Variants in GATB observed in about 807,000 individuals in gnomAD.
The protein encoded by GATB is glutamyl-tRNA(Gln) amidotransferase subunit B, mitochondrial.
In GATB, 39 loss-of-function variants were observed where a neutral mutation model predicts 62.3. The ratio of observed to expected loss-of-function variants is 0.63; its 90% CI spans 0.48 to 0.82. The LOEUF (loss-of-function observed/expected upper bound fraction) is 0.82. GATB is among the 40% of genes least tolerant of loss of function. The probability of loss-of-function intolerance (pLI) is 0.00; values close to 1 mark genes in which losing one functional copy is unlikely to be tolerated. For synonymous variants in GATB, 276 were observed against 258.9 expected (o/e 1.07, Z -0.63); for missense variants, 670 against 684.0 (o/e 0.98, Z 0.23).
chr4:151,714,784 T>A (rs947281865), intron 5 of GATB, among the ~76,000 whole-genome samples: 1 of 152,236 alleles, frequency 6.6e-6, no homozygotes, highest in Admixed American at 6.5e-5. Flanking sequence ...ACATTTCATT[T>A]ATGTTCTGTG....
intron 2 of GATB, among the ~76,000 whole-genome samples, chr4:151,757,468 T>C (rs1739855669): frequency 3.3e-5 from 1 of 30,168 alleles, no homozygotes; most frequent in South Asian, 1.4e-3. Flanking sequence ...AGCTTCCAGA[T>C]TTTTTTTTTT....
chr4:151,706,295 A>G (rs1738713851), intron 6 of GATB, among the ~76,000 whole-genome samples: 1 of 152,250 alleles, frequency 6.6e-6, no homozygotes, highest in Admixed American at 6.5e-5. Context: ...CTGGTCCTCC[A>G]AAGAGTTCTT....
chr4:151,736,679 T>C (rs1349862247), intron 2 of GATB, among the ~76,000 whole-genome samples: 1 of 152,254 alleles, frequency 6.6e-6, no homozygotes, highest in Non-Finnish European at 1.5e-5. Context: ...ACATGAGTAC[T>C]GATATGGTTT....
At chr4:151,743,442 A>G (rs1406830988) in intron 2 of GATB, among the ~76,000 whole-genome samples, 2 of 152,240 alleles carry the variant, frequency 1.3e-5, no homozygotes, top group Middle Eastern at 3.2e-3. Context: ...TATGTGTATA[A>G]GCATGTGGAC....
intron 1 of GATB, among the ~76,000 whole-genome samples, chr4:151,759,971 CCATT>C (rs1172464532): frequency 1.3e-5 from 2 of 152,152 alleles, no homozygotes; most frequent in African/African-American, 4.8e-5. Context: ...CAGTAAAGCA[CCATT>C]CAAAGTATTT....
At chr4:151,685,288 T>G (rs1364827364) in intron 10 of GATB, among the ~76,000 whole-genome samples, 1 of 152,208 alleles carries the variant, frequency 6.6e-6, no homozygotes, top group Non-Finnish European at 1.5e-5. Flanking sequence ...AAGCATCCCA[T>G]TCTGCCTTGA....
intron 8 of GATB, 127 bp from the exon 9 acceptor site, chr4:151,701,645 T>C (rs1437671416): frequency 4.6e-6 from 3 of 655,484 alleles, no homozygotes; most frequent in Non-Finnish European, 6.8e-6. Flanking sequence ...TTTTCAAATG[T>C]CCTATTACGT....
chr4:151,737,894 C>T (rs1041108174), intron 2 of GATB, among the ~76,000 whole-genome samples: 1 of 152,210 alleles, frequency 6.6e-6, no homozygotes, highest in Admixed American at 6.5e-5. Flanking sequence ...ACCTAGATTT[C>T]AGACGATGTA....
intron 9 of GATB, among the ~76,000 whole-genome samples, chr4:151,696,781 T>C (rs1413106576): frequency 1.3e-5 from 2 of 152,228 alleles, no homozygotes; most frequent in African/African-American, 2.4e-5. Flanking sequence ...GCACAGAGTT[T>C]AGGAAGAGAT....
Position 151,719,811 on chromosome 4 carries a change from G to C in GATB, c.328-273C>G. 3 of 305,358 alleles carry C rather than the reference G, an allele frequency of 9.8e-6. No homozygotes were observed. In the South Asian group the frequency reaches 1.3e-4, roughly 13 times the overall value. The allele number at this position is 305,358 out of a possible 1,614,324, so 18.9% of individuals were successfully genotyped here. A position where few individuals can be genotyped will look rare whatever the true frequency, so the allele number is the denominator to read the frequency against. ...CTTTCCCCCAGTGCCCGGCATCAAAGCTAACAGGAAGAGTCGCAGAAAAGC... is the reference window on the plus strand; with the variant it reads ...CTTTCCCCCAGTGCCCGGCATCAAACCTAACAGGAAGAGTCGCAGAAAAGC... On this transcript the variant is annotated intron_variant, in intron 2 of 12. Coordinates refer to ENST00000263985, the MANE Select transcript of GATB (RefSeq NM_004564.3).
intron 11 of GATB, among the ~76,000 whole-genome samples, chr4:151,678,591 T>C (rs1304579735): frequency 1.3e-5 from 2 of 151,908 alleles, no homozygotes; most frequent in Admixed American, 1.3e-4. Flanking sequence ...GTGAGGTCCC[T>C]GTAGTTGACA....
At chr4:151,718,968 C>T (rs1672425280) in intron 3 of GATB, among the ~76,000 whole-genome samples, 1 of 152,204 alleles carries the variant, frequency 6.6e-6, no homozygotes, top group Admixed American at 6.5e-5. Flanking sequence ...TTACTTGCTC[C>T]TTGTGAGATG....
At chr4:151,679,368 A>C (rs1738088427) in intron 11 of GATB, among the ~76,000 whole-genome samples, 1 of 152,090 alleles carries the variant, frequency 6.6e-6, no homozygotes, top group Non-Finnish European at 1.5e-5. Flanking sequence ...GTCTGACTTC[A>C]CCCTCCTTGT....
At chr4:151,754,806 A>G (rs1435968422) in intron 2 of GATB, among the ~76,000 whole-genome samples, 1 of 152,092 alleles carries the variant, frequency 6.6e-6, no homozygotes, top group Non-Finnish European at 1.5e-5. Context: ...ACTAGTTTTT[A>G]CTGGTTTTCA....
At position 151,760,879 on chromosome 4, in the gene GATB, G is replaced by A; in HGVS notation, c.104C>T (p.Thr35Ile). Residue 35 changes from threonine (T) to isoleucine (I), a missense_variant, in exon 1 of 13, where the codon ACA becomes ATA. Thr to Ile is a moderately conservative substitution (Grantham distance 89, BLOSUM62 -1). Transcript: ENST00000263985. ...CHRRGAPTGS[T>I]SNQIRGESSV... ...GCTCTCTCCCCTAATCTGGTTGGAT[G>A]TGGACCCAGTCGGAGCCCCTCTTCG... is the stretch of plus-strand genomic sequence containing the variant. 6 of 1,614,120 alleles carry A rather than the reference G, an allele frequency of 3.7e-6. No individual in the cohort carries two copies. The highest frequency in any genetic ancestry group is 3.3e-5 in the South Asian group (3 of 91,050).
intron 9 of GATB, among the ~76,000 whole-genome samples, chr4:151,693,663 G>A (rs945828869): frequency 2.0e-5 from 3 of 152,130 alleles, no homozygotes; most frequent in Non-Finnish European, 2.9e-5. Flanking sequence ...GTCCTGTTTT[G>A]GTGCCCACAA....
At chr4:151,673,481 C>T (rs1008277564) in intron 11 of GATB, 1 of 152,154 alleles carries the variant, frequency 6.6e-6, no homozygotes, top group East Asian at 1.9e-4. Context: ...AAAGTAGCCC[C>T]GTAATGAAGA....
At chr4:151,722,305 C>T (rs896598915) in intron 2 of GATB, 9 of 680,248 alleles carry the variant, frequency 1.3e-5, no homozygotes, top group South Asian at 3.2e-5. Context: ...TCAATGAATC[C>T]GCAGTGGTGA....
rs770581517 is a variant in GATB, at chr4:151,671,194, C to A, written c.1654G>T (p.Glu552Ter). 5.0e-6 allele frequency: 8 copies of A among 1,614,182 alleles called. No homozygotes were observed. The highest frequency in any genetic ancestry group is 6.8e-6 in the Non-Finnish European group (8 of 1,180,036). Reference sequence around the variant, plus strand: ...ACATCTCACAATGACAGCTTCTTCTCCAGGATCTCCTTTATCATGACTGGA... The same window carrying A: ...ACATCTCACAATGACAGCTTCTTCTACAGGATCTCCTTTATCATGACTGGA... ...ADPVMIKEIL[E>*]KKLSL Residue 552 changes from glutamate to a stop codon, truncating the protein, a stop_gained, in exon 13 of 13, where the codon GAG becomes TAG. Coordinates refer to ENST00000263985, the MANE Select transcript of GATB (RefSeq NM_004564.3). LOFTEE classifies it high-confidence loss of function.
Sources: allele counts gnomAD v4.1 joint callset (sites outside exome capture counted in the v4.1 genomes callset), GRCh38; gene constraint gnomAD v4.1.1; transcripts MANE v1.5; gene names NCBI Gene and HGNC (gene_info 2026-07-23, HGNC 2026-07-21).